SRSF3: variants seen among roughly 807,000 people sequenced by gnomAD.
SRSF3 encodes serine and arginine rich splicing factor 3.
For missense variants in SRSF3, 58 were observed against 217.1 expected, an observed-to-expected ratio of 0.27 and a Z score of 4.61; for synonymous variants, 87 against 73.6, an observed-to-expected ratio of 1.18 and a Z score of -0.93.
Position 36,598,841 on chromosome 6 carries a change from C to A in SRSF3, c.207-8C>A, listed in dbSNP as rs1467502258. 1 of 1,610,126 alleles carries A rather than the reference C, an allele frequency of 6.2e-7. No individual in the cohort carries two copies. The highest frequency in any genetic ancestry group is 2.2e-5 in the East Asian group (1 of 44,830). On this transcript the variant is annotated splice_region_variant and splice_polypyrimidine_tract_variant and intron_variant, in intron 2 of 5. Transcript: ENST00000373715. ...GCTGTTTTAAGTTTAATATCTTTGC[C>A]CCCTCAGAACACTATGTGGCTGCCG...
chr6:36,596,641 T>C (rs1222490573), intron 1 of SRSF3, 120 bp from the exon 2 acceptor site: 1 of 867,134 alleles, frequency 1.2e-6, no homozygotes, highest in Non-Finnish European at 1.8e-6. Flanking sequence ...TTGTAATTTT[T>C]TTTTCTTTAC....
intron 2 of SRSF3, among the ~76,000 whole-genome samples, chr6:36,597,837 TTTC>T (rs1582511009): frequency 2.0e-5 from 3 of 151,014 alleles, no homozygotes; most frequent in African/African-American, 4.9e-5. Flanking sequence ...TGAGCTATAA[TTTC>T]TTTTTTTAAA....
At chr6:36,601,442 C>T in intron 4 of SRSF3, 1 of 571,486 alleles carries the variant, frequency 1.7e-6, no homozygotes, top group East Asian at 2.8e-5. Context: ...TAACTCCTGG[C>T]CTTGGAGTGA....
intron 1 of SRSF3, among the ~76,000 whole-genome samples, chr6:36,596,342 T>G (rs545440147): frequency 1.3e-5 from 2 of 152,296 alleles, no homozygotes; most frequent in African/African-American, 4.8e-5. Flanking sequence ...GGACTAGCTT[T>G]CTTCATCATT....
At chr6:36,595,252 G>C (rs60260342) in intron 1 of SRSF3, among the ~76,000 whole-genome samples, 1 of 152,296 alleles carries the variant, frequency 6.6e-6, no homozygotes, top group African/African-American at 2.4e-5. Flanking sequence ...CATCGTCGAA[G>C]TGACTCAGTA....
At position 36,603,670 on chromosome 6, in the gene SRSF3, C is replaced by T. The variant is rs980500324; in HGVS notation, c.*1681C>T. 6 of 230,294 alleles carry T rather than the reference C, an allele frequency of 2.6e-5. No homozygotes were observed. Among genetic ancestry groups the T allele is most frequent in the African/African-American group, 1.3e-4 (6 of 45,190 alleles). 14.3% of individuals were successfully genotyped at this position (230,294 alleles called of 1,614,324 possible). On this transcript the variant is annotated 3_prime_UTR_variant, in exon 6 of 6. Transcript: ENST00000373715. The stretch of plus-strand genomic sequence containing the variant: ...TTCAAGAAAGACACTTTTCAGACAG[C>T]CTGTTTATTTACTGAGAGCTCTGGC...
rs1263275219 is a variant in SRSF3, at chr6:36,605,163, G to C, written c.*3174G>C. 6.6e-6 allele frequency: 1 copy of C among 152,122 alleles called. No individual in the cohort carries two copies. The highest frequency in any genetic ancestry group is 1.5e-5 in the Non-Finnish European group (1 of 68,036). The allele number at this position is 152,122 out of a possible 1,614,324, so 9.4% of individuals were successfully genotyped here. On this transcript the variant is annotated 3_prime_UTR_variant, in exon 6 of 6. Transcript: ENST00000373715. Reference sequence around the variant, plus strand: ...TCGGGTACCTGAAGATAATTCAGCTGTAGACCCCTTAAGGTTCTGAGACAA... The same window carrying C: ...TCGGGTACCTGAAGATAATTCAGCTCTAGACCCCTTAAGGTTCTGAGACAA...
intron 3 of SRSF3, 144 bp from the exon 4 acceptor site, chr6:36,601,001 CTTTTTTT>C (rs775227806): frequency 0.01 from 867 of 86,454 alleles, 4 homozygotes; most frequent in African/African-American, 0.021. Context: ...TCTTTTTTTT[CTTTTTTT>C]TTTTTTTTTT....
At chr6:36,601,817 T>G in intron 5 of SRSF3, 23 bp downstream of exon 5, 1 of 1,605,584 alleles carries the variant, frequency 6.2e-7, no homozygotes, top group Non-Finnish European at 8.5e-7. Context: ...ATAACTTGTA[T>G]TTAAGACTTT....
intron 3 of SRSF3, chr6:36,599,346 A>G (rs775907911): frequency 8.9e-5 from 19 of 212,834 alleles, no homozygotes; most frequent in Non-Finnish European, 1.4e-4. Flanking sequence ...GTTTTCTACT[A>G]TTAGCACAAT....
chr6:36,597,182 C>G (rs533814419), intron 2 of SRSF3: 39 of 567,066 alleles, frequency 6.9e-5, no homozygotes, highest in South Asian at 1.7e-4. Flanking sequence ...TCCCGCTCCC[C>G]GCAACCTCGG....
intron 1 of SRSF3, among the ~76,000 whole-genome samples, chr6:36,595,232 T>A (rs571483825): frequency 2.8e-4 from 43 of 152,232 alleles, no homozygotes; most frequent in Admixed American, 2.5e-3. Context: ...GTCTACAAGT[T>A]TATCAGATTC....
intron 1 of SRSF3, among the ~76,000 whole-genome samples, chr6:36,595,510 C>T (rs1378191410): frequency 6.6e-6 from 1 of 152,208 alleles, no homozygotes; most frequent in Non-Finnish European, 1.5e-5. Context: ...CCCTGTCCCC[C>T]TTCCTCTAGT....
At chr6:36,596,681 A>G (rs1192260149) in intron 1 of SRSF3, 80 bp from the exon 2 acceptor site, 4 of 1,287,336 alleles carry the variant, frequency 3.1e-6, no homozygotes, top group Non-Finnish European at 3.4e-6. Flanking sequence ...TGTCCTCTCT[A>G]ATGGAGTTCT....
At position 36,602,632 on chromosome 6, in the gene SRSF3, A is replaced by AT. The variant is rs1299613401; in HGVS notation, c.*646dup. On this transcript the variant is annotated 3_prime_UTR_variant, in exon 6 of 6. Transcript: ENST00000373715. ...TGTTCGTGACATTCTTTATGTGCAA[A>AT]TTTGTGATTTCAAAAATGTCCTGCC... 9.3e-6 allele frequency: 2 copies of AT among 215,552 alleles called. No homozygotes were observed. The highest frequency in any genetic ancestry group is 1.9e-5 in the Non-Finnish European group (2 of 106,698). 13.4% of individuals were successfully genotyped at this position (215,552 alleles called of 1,614,324 possible).
chr6:36,598,789 G>A lies in SRSF3; in HGVS notation c.207-60G>A, dbSNP rs139018261. On this transcript the variant is annotated intron_variant, in intron 2 of 5. Transcript: ENST00000373715. ...GAATAGCCAACTGAGAGTACTTTTG[G>A]CTTTAATACGCATGTCAGAAAGTCA... 3,023 of 1,588,032 alleles carry A rather than the reference G, an allele frequency of 1.9e-3. 29 individuals carry two copies. The highest frequency in any genetic ancestry group is 0.011 in the South Asian group (1,008 of 88,372).
chr6:36,599,957 C>G (rs780908272), intron 3 of SRSF3: 3 of 1,321,130 alleles, frequency 2.3e-6, no homozygotes, highest in Non-Finnish European at 3.0e-6. Context: ...GGCCAGTCGT[C>G]AGGTTGCACC....
rs1415069559 is a variant in SRSF3 at position 36,603,405 on chromosome 6, AATTAG to A, written c.*1421_*1425del. 4.5e-6 allele frequency: 1 copy of A among 223,526 alleles called. No homozygotes were observed. Among genetic ancestry groups the A allele is most frequent in the Non-Finnish European group, 8.9e-6 (1 of 111,834 alleles). The allele number at this position is 223,526 out of a possible 1,614,324, so 13.8% of individuals were successfully genotyped here. A position where few individuals can be genotyped will look rare whatever the true frequency, so the allele number is the denominator to read the frequency against. ...GTGTTGTAATTTCAAATTTTTGTGCAATTAGATTAAATCATAATGCAACAGTCTTG... is the reference window on the plus strand; with the variant it reads ...GTGTTGTAATTTCAAATTTTTGTGCAATTAAATCATAATGCAACAGTCTTG... On this transcript the variant is annotated 3_prime_UTR_variant, in exon 6 of 6. Transcript: ENST00000373715.
At position 36,602,304 on chromosome 6, in the gene SRSF3, G is replaced by GTTT; in HGVS notation, c.*322_*324dup. On this transcript the variant is annotated 3_prime_UTR_variant, in exon 6 of 6. Transcript: ENST00000373715. ...CTCTAAACCTGCCCAGCGGAAGTGT[G>GTTT]TTTTTTTTTAAATTTAAATACAGAA... 3.1e-6 allele frequency: 1 copy of GTTT among 326,862 alleles called. No individual in the cohort carries two copies. The highest frequency in any genetic ancestry group is 2.1e-5 in the African/African-American group (1 of 47,110). 20.2% of individuals were successfully genotyped at this position (326,862 alleles called of 1,614,324 possible).
Sources: gnomAD v4.1 joint callset for allele counts (sites outside exome capture counted in the v4.1 genomes callset) on GRCh38, gnomAD v4.1.1 for gene constraint, MANE v1.5 for transcripts, NCBI Gene and HGNC (gene_info 2026-07-23, HGNC 2026-07-21) for gene names.